CACNB4: variants seen among roughly 807,000 people sequenced by gnomAD.
CACNB4 encodes calcium voltage-gated channel auxiliary subunit beta 4.
Under a neutral mutation model 71.2 loss-of-function variants are expected in CACNB4, and 32 were observed. The ratio of observed to expected loss-of-function variants is 0.45; its 90% CI spans 0.34 to 0.60. CACNB4 has a LOEUF of 0.60. CACNB4 is among the 20% of genes least tolerant of loss of function. The pLI, the probability that CACNB4 is intolerant of heterozygous loss-of-function variation, is 0.01. For missense variants in CACNB4, 464 were observed against 647.9 expected (o/e 0.72, Z 3.08); for synonymous variants, 231 against 236.9 (o/e 0.97, Z 0.23).
At chr2:152,059,733 G>A (rs1288624107) in intron 2 of CACNB4, among the ~76,000 whole-genome samples, 2 of 152,204 alleles carry the variant, frequency 1.3e-5, no homozygotes, top group Admixed American at 6.5e-5. Context: ...GGCATGATTT[G>A]TGTTTTGCAA....
In CACNB4 at chr2:151,880,754, T is replaced by C. The variant is rs1427181694; in HGVS notation, c.390+46A>G. 2.5e-6 allele frequency: 4 copies of C among 1,589,402 alleles called. No individual in the cohort carries two copies. In the African/African-American group the frequency reaches 4.0e-5, roughly 16 times the overall value. On this transcript the variant is annotated intron_variant, in intron 4 of 13. Transcript: ENST00000539935. ...GTTTGGCTCAGAGCTGATTCCTGGC[T>C]TCAGCTTTTTGGCAGGTGAAGGGAT...
rs1177025556 is a variant in CACNB4 at position 151,982,048 on chromosome 2, C to G, written c.148-98678G>C. Among the ~76,000 whole-genome samples, 3 of 152,238 alleles carry G rather than the reference C, an allele frequency of 2.0e-5. No individual in the cohort carries two copies. The East Asian group carries it at 5.8e-4, about 29-fold the overall frequency. ...GGTTGCAAGCTTTCAGTTTCTGCAA[C>G]ATGGTGTCAGGTATGAAGAAAATGG... On this transcript the variant is annotated intron_variant, in intron 2 of 13. Coordinates refer to ENST00000539935, the MANE Select transcript of CACNB4 (RefSeq NM_000726.5).
chr2:152,014,082 C>A (rs931708991), intron 2 of CACNB4, among the ~76,000 whole-genome samples: 2 of 152,208 alleles, frequency 1.3e-5, no homozygotes, highest in Non-Finnish European at 2.9e-5. Flanking sequence ...GTGGCTCATG[C>A]CTGCAATCCC....
chr2:151,895,510 T>C (rs2099851835), intron 2 of CACNB4, among the ~76,000 whole-genome samples: 1 of 151,970 alleles, frequency 6.6e-6, no homozygotes, highest in Non-Finnish European at 1.5e-5. Flanking sequence ...GAATCTATTA[T>C]GCATCAATAT....
intron 2 of CACNB4, among the ~76,000 whole-genome samples, chr2:152,095,217 T>C (rs1023084848): frequency 6.6e-6 from 1 of 152,248 alleles, no homozygotes; most frequent in East Asian, 1.9e-4. Flanking sequence ...AGGGGCTTCA[T>C]GAGCAGTCCT....
Position 151,971,553 on chromosome 2 carries a change from A to C in CACNB4, c.148-88183T>G, listed in dbSNP as rs1291058535. On this transcript the variant is annotated intron_variant, in intron 2 of 13. Coordinates refer to ENST00000539935, the MANE Select transcript of CACNB4 (RefSeq NM_000726.5). ...CAACCCCCCACACTTACAGCCATAA[A>C]TGCATTGGCACTGAGAAAGACTGCT... The C allele has an allele frequency of 2.3e-5, 16 of 702,916 alleles. No individual in the cohort carries two copies. In the East Asian group the frequency reaches 4.0e-4, roughly 18 times the overall value. 43.5% of individuals were successfully genotyped at this position (702,916 alleles called of 1,614,324 possible).
intron 2 of CACNB4, among the ~76,000 whole-genome samples, chr2:151,965,110 C>T (rs1355626862): frequency 1.3e-5 from 2 of 152,176 alleles, no homozygotes. Context: ...ATCTCCAGGA[C>T]ATCATTTGAA....
chr2:151,890,122 T>G lies in CACNB4; in HGVS notation c.148-6752A>C, dbSNP rs548377151. ...AGCACGTTGGTGGAGTGAGGAACTC[T>G]TGAAATTATATCGCCGAGATAACTT... On this transcript the variant is annotated intron_variant, in intron 2 of 13. Coordinates refer to ENST00000539935, the MANE Select transcript of CACNB4 (RefSeq NM_000726.5). Among the ~76,000 whole-genome samples, 9 of 152,378 alleles carry G rather than the reference T, an allele frequency of 5.9e-5. No homozygotes were observed. The East Asian group carries it at 1.3e-3, about 23-fold the overall frequency.
intron 2 of CACNB4, among the ~76,000 whole-genome samples, chr2:152,003,359 T>A (rs1682533871): frequency 6.6e-6 from 1 of 151,902 alleles, no homozygotes; most frequent in Non-Finnish European, 1.5e-5. Context: ...GGCAGGGGAA[T>A]TGCTTCAACC....
At chr2:151,886,729 C>T (rs573601747) in intron 2 of CACNB4, among the ~76,000 whole-genome samples, 1 of 152,166 alleles carries the variant, frequency 6.6e-6, no homozygotes, top group South Asian at 2.1e-4. Context: ...TATGAAAAAG[C>T]AGAAGTCCAA....
At chr2:151,973,635 G>C in intron 2 of CACNB4, 1 of 1,595,856 alleles carries the variant, frequency 6.3e-7, no homozygotes, top group Non-Finnish European at 8.6e-7. Context: ...GAAGAGGAGG[G>C]GAGAGGGAAT....
At chr2:152,086,977 A>G (rs577392003) in intron 2 of CACNB4, among the ~76,000 whole-genome samples, 1 of 152,304 alleles carries the variant, frequency 6.6e-6, no homozygotes, top group African/African-American at 2.4e-5. Context: ...ACTAAAAAAT[A>G]CAAAATTAGC....
intron 2 of CACNB4, among the ~76,000 whole-genome samples, chr2:152,009,945 C>T (rs1408811166): frequency 1.3e-5 from 2 of 152,206 alleles, no homozygotes; most frequent in Non-Finnish European, 2.9e-5. Flanking sequence ...CTCTTCTCTG[C>T]CTTCCCTGTG....
intron 2 of CACNB4, among the ~76,000 whole-genome samples, chr2:152,021,862 C>G (rs565638886): frequency 1.3e-5 from 2 of 152,166 alleles, no homozygotes; most frequent in Non-Finnish European, 2.9e-5. Flanking sequence ...ACAGCTTATT[C>G]TTTTATCTTG....
At chr2:151,984,297 T>C (rs1399420092) in intron 2 of CACNB4, among the ~76,000 whole-genome samples, 1 of 152,190 alleles carries the variant, frequency 6.6e-6, no homozygotes, top group Non-Finnish European at 1.5e-5. Context: ...TGGCTCTTAG[T>C]AGCCTTTAGG....
chr2:151,839,142 G>T lies in CACNB4; in HGVS notation c.1540C>A (p.His514Asn). The T allele has an allele frequency of 1.2e-6, 2 of 1,612,846 alleles. No individual in the cohort carries two copies. Among genetic ancestry groups the T allele is most frequent in the Non-Finnish European group, 1.7e-6 (2 of 1,179,020 alleles). ...ACTCAAAGCCTATGTCGGGAGTCAT[G>T]GCTATATCCCCCAGGTGATCCTCGG... ...RNRGSPGGYS[H>N]DSRHRL The change falls in exon 14 of 14, where the codon CAT becomes AAT. Residue 514 changes from histidine to asparagine, a missense_variant. Physicochemically the swap from His to Asn is moderately conservative, Grantham distance 68. Around this residue, in one of 3 missense-constraint regions of CACNB4, gnomAD observed 115 missense variants for 128.8 expected, o/e 0.89. Transcript: ENST00000539935.
intron 2 of CACNB4, among the ~76,000 whole-genome samples, chr2:152,075,128 T>C (rs192231430): frequency 1.2e-4 from 19 of 152,350 alleles, no homozygotes; most frequent in Admixed American, 1.2e-3. Flanking sequence ...TATCTACATA[T>C]ATTATTTCAT....
chr2:152,067,249 T>A (rs547019959), intron 2 of CACNB4, among the ~76,000 whole-genome samples: 1 of 152,234 alleles, frequency 6.6e-6, no homozygotes, highest in African/African-American at 2.4e-5. Flanking sequence ...TGCTTCTGCA[T>A]GTCAGCCCCA....
chr2:152,029,979 A>C (rs1684191558), intron 2 of CACNB4, among the ~76,000 whole-genome samples: 1 of 152,220 alleles, frequency 6.6e-6, no homozygotes, highest in South Asian at 2.1e-4. Flanking sequence ...GCTGACTAAT[A>C]CAGTCATGCA....
Sources: allele counts gnomAD v4.1 joint callset (sites outside exome capture counted in the v4.1 genomes callset), GRCh38; gene constraint gnomAD v4.1.1; regional missense constraint gnomAD v4.1.1; transcripts MANE v1.5; gene names NCBI Gene and HGNC (gene_info 2026-07-23, HGNC 2026-07-21).